Variants in PITPNC1 observed in about 807,000 individuals in gnomAD.
PITPNC1 encodes phosphatidylinositol transfer protein cytoplasmic 1, also known as cytoplasmic phosphatidylinositol transfer protein 1.
A neutral mutation model predicts 44.7 loss-of-function variants in PITPNC1; 18 were observed. The observed-to-expected ratio is 0.40, with a 90% CI of 0.28 to 0.60. The LOEUF is 0.60. PITPNC1 is among the 20% of genes least tolerant of loss of function. The probability of loss-of-function intolerance (pLI) is 0.39; values close to 1 mark genes in which losing one functional copy is unlikely to be tolerated. For synonymous variants in PITPNC1, 141 were observed against 149.6 expected, an observed-to-expected ratio of 0.94 and a Z score of 0.42; for missense variants, 290 against 418.4, an observed-to-expected ratio of 0.69 and a Z score of 2.68.
At chr17:67,425,203 GCACACACACA>G (rs60705271) in intron 1 of PITPNC1, among the ~76,000 whole-genome samples, 3,657 of 98,674 alleles carry the variant, frequency 0.037, 290 homozygotes, top group African/African-American at 0.055. Flanking sequence ...GCACGCACAC[GCACACACACA>G]CACACACACA....
chr17:67,402,236 G>A (rs2038326187), intron 1 of PITPNC1, among the ~76,000 whole-genome samples: 1 of 152,178 alleles, frequency 6.6e-6, no homozygotes, highest in African/African-American at 2.4e-5. Context: ...CACATGCCAC[G>A]AAATATTATG....
At chr17:67,669,104 A>ATGTT (rs151285922) in intron 6 of PITPNC1, among the ~76,000 whole-genome samples, 4,250 of 151,880 alleles carry the variant, frequency 0.028, 184 homozygotes, top group East Asian at 0.19. Flanking sequence ...TTCTGTCTCT[A>ATGTT]TGTTTGTTTG....
chr17:67,467,780 C>T (rs1452951931), intron 1 of PITPNC1, among the ~76,000 whole-genome samples: 1 of 152,152 alleles, frequency 6.6e-6, no homozygotes, highest in Non-Finnish European at 1.5e-5. Flanking sequence ...AATAAAACCC[C>T]CAAAGAGGTC....
At chr17:67,438,408 T>C (rs2038967425) in intron 1 of PITPNC1, among the ~76,000 whole-genome samples, 1 of 151,268 alleles carries the variant, frequency 6.6e-6, no homozygotes, top group Non-Finnish European at 1.5e-5. Flanking sequence ...CTCTGCCTCC[T>C]GGGTTCAAGA....
intron 1 of PITPNC1, among the ~76,000 whole-genome samples, chr17:67,383,668 G>A (rs1246513961): frequency 1.3e-5 from 2 of 152,206 alleles, no homozygotes; most frequent in Admixed American, 6.5e-5. Flanking sequence ...TAAAATGAGC[G>A]TCTCTCAAGA....
At chr17:67,620,934 T>C (rs779154397) in intron 5 of PITPNC1, among the ~76,000 whole-genome samples, 9 of 152,124 alleles carry the variant, frequency 5.9e-5, no homozygotes, top group Non-Finnish European at 1.0e-4. Context: ...CCGGCACCAG[T>C]AGGCAGTTCT....
chr17:67,423,049 A>G (rs73996711), intron 1 of PITPNC1, among the ~76,000 whole-genome samples: 1,677 of 151,840 alleles, frequency 0.011, 37 homozygotes, highest in African/African-American at 0.039. Context: ...TTTTAATTGC[A>G]TTACGGCTCA....
intron 1 of PITPNC1, among the ~76,000 whole-genome samples, chr17:67,412,403 A>C (rs1219362043): frequency 6.6e-6 from 1 of 152,084 alleles, no homozygotes; most frequent in Non-Finnish European, 1.5e-5. Flanking sequence ...CTCCAACTCG[A>C]CTGGAGACTA....
At chr17:67,578,442 A>G (rs772920867) in intron 5 of PITPNC1, among the ~76,000 whole-genome samples, 185 bp downstream of exon 5, 3 of 152,244 alleles carry the variant, frequency 2.0e-5, no homozygotes, top group South Asian at 4.2e-4. Context: ...TTTGTTGTCT[A>G]GCTTTTCTTT....
chr17:67,396,201 A>G (rs531428535), intron 1 of PITPNC1, among the ~76,000 whole-genome samples: 1 of 152,294 alleles, frequency 6.6e-6, no homozygotes, highest in East Asian at 1.9e-4. Flanking sequence ...TCCAAATGGA[A>G]TAATCCCCTT....
rs569400760 is a variant in PITPNC1, at chr17:67,378,926, C to T, written c.48+724C>T. On this transcript the variant is annotated intron_variant, in intron 1 of 8. Coordinates refer to ENST00000581322, the MANE Select transcript of PITPNC1 (RefSeq NM_012417.4). ...GCTCCAGCACGTGGTGCCGGGGCCG[C>T]GGCTGCCGGCTGGGGGCGCCGGGCG... The T allele has an allele frequency of 9.7e-5, 95 of 974,660 alleles. 1 individual carries two copies. In the East Asian group the frequency reaches 3.5e-3, roughly 36 times the overall value. The allele number at this position is 974,660 out of a possible 1,614,324, so 60.4% of individuals were successfully genotyped here.
chr17:67,526,925 G>A (rs997843585), intron 1 of PITPNC1, among the ~76,000 whole-genome samples: 11 of 152,158 alleles, frequency 7.2e-5, no homozygotes, highest in Admixed American at 5.9e-4. Flanking sequence ...TGACTATGGA[G>A]GTAATTATTT....
chr17:67,542,212 T>G (rs1165181211), intron 2 of PITPNC1, among the ~76,000 whole-genome samples: 1 of 152,208 alleles, frequency 6.6e-6, no homozygotes, highest in Non-Finnish European at 1.5e-5. Context: ...GTCCACCATT[T>G]CATAATTTTA....
At chr17:67,569,892 G>A (rs1351441487) in intron 4 of PITPNC1, among the ~76,000 whole-genome samples, 1 of 150,252 alleles carries the variant, frequency 6.7e-6, no homozygotes, top group East Asian at 1.9e-4. Context: ...CAAGAAGAGG[G>A]AGAGAGAGAT....
chr17:67,517,521 T>G (rs1318432298), intron 1 of PITPNC1, among the ~76,000 whole-genome samples: 2 of 152,190 alleles, frequency 1.3e-5, no homozygotes, highest in African/African-American at 4.8e-5. Flanking sequence ...CAAATGTCCA[T>G]CAACTGATGA....
intron 2 of PITPNC1, among the ~76,000 whole-genome samples, chr17:67,541,920 T>G (rs1313275193): frequency 6.6e-6 from 1 of 152,236 alleles, no homozygotes; most frequent in Non-Finnish European, 1.5e-5. Context: ...CATCTCAGAA[T>G]GCCTTATAGT....
In PITPNC1 at chr17:67,553,617, A is replaced by G. The variant is rs1330517534; in HGVS notation, c.294A>G (p.Thr98=). 3 of 1,221,650 alleles carry G rather than the reference A, an allele frequency of 2.5e-6. No homozygotes were observed. Among genetic ancestry groups the G allele is most frequent in the East Asian group, 2.6e-5 (1 of 38,036 alleles). The allele number at this position is 1,221,650 out of a possible 1,614,324, so 75.7% of individuals were successfully genotyped here. ...NYYPYTITEY[T]CSFLPKFSIH... Reference sequence around the variant, plus strand: ...ATGAACATGTGGAAACAGAATACACAGTAAGTTCCATTTAATTATTTTTAA... The same window carrying G: ...ATGAACATGTGGAAACAGAATACACGGTAAGTTCCATTTAATTATTTTTAA... Residue 98 remains threonine, a splice_region_variant and synonymous_variant, in exon 4 of 9, where the codon ACA becomes ACG. Coordinates refer to ENST00000581322, the MANE Select transcript of PITPNC1 (RefSeq NM_012417.4).
Position 67,495,040 on chromosome 17 carries a change from G to GT in PITPNC1, c.49-37751dup, listed in dbSNP as rs879366971. 4.0e-3 allele frequency among the ~76,000 whole-genome samples: 262 copies of GT among 64,692 alleles called. 23 individuals are homozygous for GT. The highest frequency in any genetic ancestry group is 9.6e-3 in the African/African-American group (143 of 14,940). The allele number at this position is 64,692 out of a possible 152,430, so 42.4% of individuals were successfully genotyped here. A position where few individuals can be genotyped will look rare whatever the true frequency, so the allele number is the denominator to read the frequency against. ...TTTGGCAATATTGAGCCATGGAGTT[G>GT]TTTTTTTTTTTGTTTTTTTTTTTTT... On this transcript the variant is annotated intron_variant, in intron 1 of 8. Coordinates refer to ENST00000581322, the MANE Select transcript of PITPNC1 (RefSeq NM_012417.4).
intron 2 of PITPNC1, among the ~76,000 whole-genome samples, chr17:67,537,541 G>A (rs779941812): frequency 1.3e-5 from 2 of 152,146 alleles, no homozygotes; most frequent in Non-Finnish European, 2.9e-5. Flanking sequence ...TGTGGAAGAC[G>A]TTTTAAAAGC....
Sources: allele counts gnomAD v4.1 joint callset (sites outside exome capture counted in the v4.1 genomes callset), GRCh38; gene constraint gnomAD v4.1.1; transcripts MANE v1.5; gene names NCBI Gene and HGNC (gene_info 2026-07-23, HGNC 2026-07-21).